LRGUK: variants seen among roughly 807,000 people sequenced by gnomAD.
LRGUK encodes the protein leucine rich repeats and guanylate kinase domain containing, also known as leucine-rich repeat and guanylate kinase domain-containing protein.
In LRGUK, 65 loss-of-function variants were observed where a neutral mutation model predicts 76.0. The ratio of observed to expected loss-of-function variants is 0.85; its 90% CI spans 0.70 to 1.05. The LOEUF (loss-of-function observed/expected upper bound fraction) is 1.05, where lower values mean the gene tolerates loss of function less well. Among genes scored for constraint, LRGUK ranks in the 50% least tolerant of loss-of-function variants. The probability of loss-of-function intolerance (pLI) is 0.00; values close to 1 mark genes in which losing one functional copy is unlikely to be tolerated. For synonymous variants in LRGUK, 268 were observed against 265.6 expected, an observed-to-expected ratio of 1.01 and a Z score of -0.09; for missense variants, 758 against 732.8, an observed-to-expected ratio of 1.03 and a Z score of -0.40.
chr7:134,255,768 A>T (rs56829380), intron 18 of LRGUK, among the ~76,000 whole-genome samples: 18,730 of 151,610 alleles, frequency 0.12, 2,778 homozygotes, highest in African/African-American at 0.36. Context: ...TACCTGTTTT[A>T]TTTTCTTTTT....
chr7:134,239,037 G>A (rs1415819989), intron 16 of LRGUK, among the ~76,000 whole-genome samples: 1 of 152,140 alleles, frequency 6.6e-6, no homozygotes, highest in East Asian at 1.9e-4. Flanking sequence ...GCCCCAGGGG[G>A]TCAGTTTCAA....
At chr7:134,185,655 T>C (rs1224694582) in intron 11 of LRGUK, among the ~76,000 whole-genome samples, 2 of 152,152 alleles carry the variant, frequency 1.3e-5, no homozygotes, top group Non-Finnish European at 2.9e-5. Context: ...AGATTAGTGG[T>C]GCCTGTCAGT....
intron 1 of LRGUK, among the ~76,000 whole-genome samples, chr7:134,133,966 G>T (rs1797421673): frequency 6.6e-6 from 1 of 152,056 alleles, no homozygotes; most frequent in Non-Finnish European, 1.5e-5. Flanking sequence ...GGAGGCTGAG[G>T]TGGGAGGATG....
At chr7:134,206,574 GTA>G (rs939719660) in intron 15 of LRGUK, among the ~76,000 whole-genome samples, 7 of 150,800 alleles carry the variant, frequency 4.6e-5, no homozygotes, top group African/African-American at 1.5e-4. Context: ...ATATATGTGT[GTA>G]TGTGTGTGTG....
downstream of LRGUK, among the ~76,000 whole-genome samples, chr7:134,214,544 T>A (rs886406726): frequency 1.3e-5 from 2 of 152,142 alleles, no homozygotes; most frequent in African/African-American, 4.8e-5. Flanking sequence ...GCTGGAATAT[T>A]ATGTTGTCAT....
In LRGUK at chr7:134,263,870, T is replaced by C. The variant is rs759366133; in HGVS notation, c.2373T>C (p.His791=). The change falls in exon 20 of 20, where the codon CAT becomes CAC. Residue 791 remains histidine (H), a synonymous_variant. Transcript: ENST00000285928. ...CACTACCTATACAATCATTTTCACA[T>C]GAAAAAGAGTCTCACCAACACAGAC... 3.7e-6 allele frequency: 6 copies of C among 1,610,696 alleles called. No homozygotes were observed. In the African/African-American group the frequency reaches 6.7e-5, roughly 18 times the overall value.
At position 134,247,866 on chromosome 7, in the gene LRGUK, A is replaced by G. The variant is rs117188777; in HGVS notation, c.2072+222A>G. 3.1e-3 allele frequency among the ~76,000 whole-genome samples: 473 copies of G among 152,270 alleles called. 1 individual carries two copies. Among genetic ancestry groups the G allele is most frequent in the Non-Finnish European group, 5.5e-3 (376 of 68,022 alleles). On this transcript the variant is annotated intron_variant, in intron 17 of 19. Transcript: ENST00000285928. ...ACTAGAAACTGATGATTTTTTGAAGATTGCAAAGAATATTTCTTTGCAAGA... is the reference window on the plus strand; with the variant it reads ...ACTAGAAACTGATGATTTTTTGAAGGTTGCAAAGAATATTTCTTTGCAAGA...
chr7:134,272,203 G>A, the LRGUK span, among the ~76,000 whole-genome samples: 1 of 152,124 alleles, frequency 6.6e-6, no homozygotes, highest in Non-Finnish European at 1.5e-5. Context: ...TTTAATAGGA[G>A]TTTTACCATG....
chr7:134,183,695 G>T, intron 10 of LRGUK, 39 bp from the exon 11 acceptor site: 2 of 1,611,484 alleles, frequency 1.2e-6, no homozygotes, highest in Non-Finnish European at 1.7e-6. Context: ...CTGTCTCCCT[G>T]ACTGCAATAG....
chr7:134,157,123 A>C (rs375674251), intron 5 of LRGUK, among the ~76,000 whole-genome samples: 1 of 152,376 alleles, frequency 6.6e-6, no homozygotes, highest in African/African-American at 2.4e-5. Context: ...TTTTCACAAT[A>C]AATGGAATTT....
intron 1 of LRGUK, 61 bp from the exon 2 acceptor site, chr7:134,136,962 A>C (rs1392596373): frequency 7.5e-7 from 1 of 1,332,866 alleles, no homozygotes; most frequent in East Asian, 2.4e-5. Context: ...ATATGACAAG[A>C]TAGATTGTTT....
chr7:134,266,358 ATGC>A (rs1802855617), downstream of LRGUK, among the ~76,000 whole-genome samples: 1 of 152,258 alleles, frequency 6.6e-6, no homozygotes, highest in African/African-American at 2.4e-5. Flanking sequence ...AATCATAAAA[ATGC>A]TTCAACAAGC....
chr7:134,183,750 G>T, exon 11 of LRGUK: 1 of 1,614,028 alleles, frequency 6.2e-7, no homozygotes, highest in African/African-American at 1.3e-5. Context: ...TCCCAGCCTG[G>T]ATGCCCCTTA....
chr7:134,275,416 G>A, the LRGUK span, among the ~76,000 whole-genome samples: 1 of 152,138 alleles, frequency 6.6e-6, no homozygotes, highest in Non-Finnish European at 1.5e-5. Flanking sequence ...AGTAATAGAA[G>A]AGTCTGCTTG....
intron 4 of LRGUK, among the ~76,000 whole-genome samples, chr7:134,146,340 G>A (rs1563142863): frequency 6.6e-6 from 1 of 152,024 alleles, no homozygotes; most frequent in African/African-American, 2.4e-5. Context: ...CCCTGACTGA[G>A]GTGTAGTTAT....
At chr7:134,272,495 T>TA in the LRGUK span, among the ~76,000 whole-genome samples, 1 of 151,966 alleles carries the variant, frequency 6.6e-6, no homozygotes, top group African/African-American at 2.4e-5. Context: ...GCATCAGAAG[T>TA]AAATACCACA....
At position 134,229,375 on chromosome 7, in the gene LRGUK, A is replaced by AAATCTATCT. The variant is rs568818931; in HGVS notation, c.1983+7458_1983+7459insATCTATCTA. ...GAGACTCCATCTCAAAAAAAAAAAA[A>AAATCTATCT]ATCTATCTATCTATCTATCTATCTA... On this transcript the variant is annotated intron_variant, in intron 16 of 19. Coordinates refer to the LRGUK transcript ENST00000285928. Among the ~76,000 whole-genome samples the AAATCTATCT allele has an allele frequency of 1.2e-3, 177 of 147,562 alleles. 1 individual carries two copies. Among genetic ancestry groups the AAATCTATCT allele is most frequent in the East Asian group, 5.8e-3 (29 of 4,994 alleles).
At chr7:134,250,141 G>A (rs1054648622) in intron 18 of LRGUK, among the ~76,000 whole-genome samples, 6 of 152,126 alleles carry the variant, frequency 3.9e-5, no homozygotes, top group South Asian at 2.1e-4. Flanking sequence ...CAAAGTGACC[G>A]GAAGAAAGCT....
At chr7:134,250,297 A>G (rs1302534817) in intron 18 of LRGUK, among the ~76,000 whole-genome samples, 1 of 152,220 alleles carries the variant, frequency 6.6e-6, no homozygotes, top group Non-Finnish European at 1.5e-5. Flanking sequence ...AAAAATCCCT[A>G]AGAATTTAAT....
Sources: gnomAD v4.1 joint callset for allele counts (sites outside exome capture counted in the v4.1 genomes callset) on GRCh38, gnomAD v4.1.1 for gene constraint, MANE v1.5 for transcripts, NCBI Gene and HGNC (gene_info 2026-07-23, HGNC 2026-07-21) for gene names.